The following CASK variants were observed in gnomAD, a reference collection of about 807,000 sequenced individuals.
CASK encodes peripheral plasma membrane protein CASK.
CASK carries 4 observed loss-of-function variants against 82.9 expected under a neutral mutation model. The observed-to-expected ratio is 0.05, with a 90% confidence interval of 0.02 to 0.11. The LOEUF (loss-of-function observed/expected upper bound fraction) is 0.11, where lower values mean the gene tolerates loss of function less well. Among genes scored for constraint, CASK ranks in the 10% least tolerant of loss-of-function variants. The pLI, the probability that CASK is intolerant of heterozygous loss-of-function variation, is 1.00. For synonymous variants in CASK, 259 were observed against 253.5 expected (o/e 1.02, Z -0.20); for missense variants, 358 against 720.9 (o/e 0.50, Z 5.76).
chrX:41,822,891 G>C (rs2070580035), intron 2 of CASK, among the ~76,000 whole-genome samples: 1 of 109,999 alleles, frequency 9.1e-6, no homozygotes, highest in African/African-American at 3.3e-5. Context: ...CATCATGTCT[G>C]CTGTGTGTAA....
intron 3 of CASK, among the ~76,000 whole-genome samples, chrX:41,770,910 G>GTA (rs772539043): frequency 3.5e-3 from 386 of 110,941 alleles, no homozygotes; most frequent in Middle Eastern, 9.3e-3. Context: ...ATACCACAAG[G>GTA]TATACCTCTA....
intron 12 of CASK, among the ~76,000 whole-genome samples, chrX:41,602,242 C>A (rs2065903305): frequency 8.9e-6 from 1 of 111,840 alleles, no homozygotes; most frequent in Admixed American, 9.5e-5. Flanking sequence ...TCCTCCAATC[C>A]AACAGTATAT....
At chrX:41,610,151 A>C in intron 11 of CASK, 126 bp from the exon 12 acceptor site, 1 of 649,989 alleles carries the variant, frequency 1.5e-6, no homozygotes, top group Non-Finnish European at 2.4e-6. Context: ...TAGTGTCTTT[A>C]CTGAAGGATA....
intron 8 of CASK, among the ~76,000 whole-genome samples, chrX:41,646,630 C>A (rs1418570609): frequency 9.0e-6 from 1 of 111,603 alleles, no homozygotes; most frequent in East Asian, 2.8e-4. Flanking sequence ...GACTGTTGTT[C>A]CCATTACCAT....
At chrX:41,654,161 C>T (rs772934016) in intron 8 of CASK, among the ~76,000 whole-genome samples, 2 of 112,041 alleles carry the variant, frequency 1.8e-5, no homozygotes, top group South Asian at 7.4e-4. Flanking sequence ...TTTGTATGGG[C>T]ACCAATGAAA....
At chrX:41,745,437 T>A (rs2068671148) in intron 4 of CASK, 87 bp downstream of exon 4, 3 of 622,126 alleles carry the variant, frequency 4.8e-6, no homozygotes, top group Non-Finnish European at 8.1e-6. Flanking sequence ...AGCAGCATGC[T>A]CTTTATCAGT....
chrX:41,544,732 CA>C (rs34639016), intron 21 of CASK, among the ~76,000 whole-genome samples: 12,357 of 104,283 alleles, frequency 0.12, 801 homozygotes, highest in Middle Eastern at 0.18. Context: ...AAAAAACAAA[CA>C]AAAAAAAATT....
intron 3 of CASK, among the ~76,000 whole-genome samples, chrX:41,775,728 C>T (rs1457249193): frequency 1.7e-4 from 18 of 104,057 alleles, no homozygotes; most frequent in Non-Finnish European, 3.6e-4. Context: ...AGTTCATGTC[C>T]TTTGTAGGGA....
At chrX:41,606,821 T>G (rs986064966) in intron 12 of CASK, among the ~76,000 whole-genome samples, 12 of 109,452 alleles carry the variant, frequency 1.1e-4, no homozygotes, top group African/African-American at 3.7e-4. Context: ...GCCTCTGGAG[T>G]AGCTGGGACC....
intron 1 of CASK, among the ~76,000 whole-genome samples, chrX:41,896,753 C>T (rs1415112329): frequency 8.9e-6 from 1 of 111,759 alleles, no homozygotes; most frequent in African/African-American, 3.2e-5. Flanking sequence ...ATGGGATATC[C>T]ATTACCTCAA....
intron 3 of CASK, among the ~76,000 whole-genome samples, chrX:41,777,522 G>A (rs964571317): frequency 1.8e-5 from 2 of 109,748 alleles, no homozygotes; most frequent in Middle Eastern, 4.6e-3. Context: ...TTTAGCAGAC[G>A]ACAGTGAACT....
Position 41,519,513 on chromosome X carries a change from A to T in CASK, c.*907T>A, listed in dbSNP as rs1342275054. 1.8e-5 allele frequency: 2 copies of T among 111,565 alleles called. No individual in the cohort carries two copies. Among genetic ancestry groups the T allele is most frequent in the Non-Finnish European group, 3.8e-5 (2 of 53,149 alleles). 9.2% of individuals were successfully genotyped at this position (111,565 alleles called of 1,213,427 possible). A position where few individuals can be genotyped will look rare whatever the true frequency, so the allele number is the denominator to read the frequency against. On this transcript the variant is annotated 3_prime_UTR_variant, in exon 27 of 27. Coordinates refer to ENST00000378163, the MANE Select transcript of CASK (RefSeq NM_001367721.1). ...CCCACCCCACCTTACAACAAATTAA[A>T]TTGAGACAAAATTACAAACACATTT...
intron 9 of CASK, among the ~76,000 whole-genome samples, chrX:41,631,077 C>T (rs2066458380): frequency 9.0e-6 from 1 of 110,913 alleles, no homozygotes; most frequent in African/African-American, 3.3e-5. Flanking sequence ...AATTTTCAGT[C>T]AGGATATATG....
At chrX:41,604,272 T>C (rs10127235) in intron 12 of CASK, among the ~76,000 whole-genome samples, 2,303 of 104,125 alleles carry the variant, frequency 0.022, 62 homozygotes, top group African/African-American at 0.077. Flanking sequence ...AACCTCAGAA[T>C]GTGACCTTAT....
At chrX:41,680,544 C>G (rs927819014) in intron 5 of CASK, among the ~76,000 whole-genome samples, 6 of 109,776 alleles carry the variant, frequency 5.5e-5, no homozygotes, top group African/African-American at 2.0e-4. Flanking sequence ...GATGTGGGTA[C>G]TAGGCATATT....
intron 25 of CASK, among the ~76,000 whole-genome samples, chrX:41,528,271 A>G (rs2064743002): frequency 8.9e-6 from 1 of 112,422 alleles, no homozygotes; most frequent in South Asian, 3.6e-4. Context: ...CACTATAAGA[A>G]CATAATCTAT....
intron 8 of CASK, among the ~76,000 whole-genome samples, chrX:41,650,019 C>T (rs1306439697): frequency 1.8e-4 from 20 of 111,053 alleles, no homozygotes; most frequent in East Asian, 8.5e-4. Context: ...CCTTCTTTGT[C>T]TCTTTTGATC....
Position 41,592,081 on chromosome X carries a change from T to C in CASK, c.1156-2489A>G, listed in dbSNP as rs2065753782. ...GCCTGGGCAGCATGGCAAAACCCTGTCTCTGCAAAAGAAATACAAAAATTA... is the reference window on the plus strand; with the variant it reads ...GCCTGGGCAGCATGGCAAAACCCTGCCTCTGCAAAAGAAATACAAAAATTA... On this transcript the variant is annotated intron_variant, in intron 12 of 26. Coordinates refer to ENST00000378163, the MANE Select transcript of CASK (RefSeq NM_001367721.1). 2.7e-5 allele frequency among the ~76,000 whole-genome samples: 3 copies of C among 109,579 alleles called. No homozygotes were observed. The South Asian group carries it at 1.2e-3, about 43-fold the overall frequency.
intron 21 of CASK, among the ~76,000 whole-genome samples, chrX:41,547,686 G>C (rs372439148): frequency 9.3e-6 from 1 of 107,871 alleles, no homozygotes; most frequent in South Asian, 4.2e-4. Context: ...GCAGTGGCGC[G>C]ATCTTGGCTC....
Sources: allele counts gnomAD v4.1 joint callset (sites outside exome capture counted in the v4.1 genomes callset), GRCh38; gene constraint gnomAD v4.1.1; transcripts MANE v1.5; gene names NCBI Gene and HGNC (gene_info 2026-07-23, HGNC 2026-07-21).